The following CTAGE15 variants were observed in gnomAD, a reference collection of about 807,000 sequenced individuals.
CTAGE15 encodes the protein CTAGE family member 15.
Under a neutral mutation model 29.7 loss-of-function variants are expected in CTAGE15, and 1 was observed. The ratio of observed to expected loss-of-function variants is 0.03; its 90% CI spans 0.01 to 0.16. The LOEUF is 0.16. Ranked by LOEUF, CTAGE15 falls within the 10% of genes least tolerant of loss-of-function variation. The pLI is 1.00. For synonymous variants in CTAGE15, 8 were observed against 139.7 expected (o/e 0.06, Z 6.65); for missense variants, 31 against 391.1 (o/e 0.08, Z 7.77).
Position 143,573,133 on chromosome 7 carries a change from A to G in CTAGE15, c.1316A>G (p.Asp439Gly), listed in dbSNP as rs1808429148. Residue 439 changes from aspartate to glycine, a missense_variant, in exon 1 of 1, where the codon GAT becomes GGT. By Grantham distance (94) the Asp-to-Gly change is moderately conservative. Coordinates refer to ENST00000420911, the MANE Select transcript of CTAGE15 (RefSeq NM_001008747.2). ...QLETYRKLAK[D>G]LEEELERTVH... ...GAGACCTATAGAAAGCTAGCCAAAG[A>G]TCTTGAAGAAGAATTGGAGAGAACT... The G allele has an allele frequency of 3.6e-6, 5 of 1,386,460 alleles. No individual in the cohort carries two copies. In the South Asian group the frequency reaches 5.1e-5, roughly 14 times the overall value. 85.9% of individuals were successfully genotyped at this position (1,386,460 alleles called of 1,614,324 possible).
Position 143,573,316 on chromosome 7 carries a change from T to A in CTAGE15, c.1499T>A (p.Leu500Ter). ...GAAACAGAGTTGAAATTTGAACTTT[T>A]AGAAAAAGATCCTAATGCACTTGAT... ...LTETELKFEL[L>*]EKDPNALDVS... The change falls in exon 1 of 1, where the codon TTA becomes TAA. Residue 500 changes from leucine to a stop codon, truncating the protein, a stop_gained. Transcript: ENST00000420911. LOFTEE classifies it high-confidence loss of function. The A allele has an allele frequency of 1.2e-6, 1 of 864,212 alleles. No individual in the cohort carries two copies. The highest frequency in any genetic ancestry group is 1.9e-5 in the South Asian group (1 of 54,000). The allele number at this position is 864,212 out of a possible 1,614,324, so 53.5% of individuals were successfully genotyped here.
In CTAGE15 at chr7:143,572,564, AG is replaced by A. The variant is rs1808417144; in HGVS notation, c.748del (p.Asp250ThrfsTer10). The A allele has an allele frequency of 1.6e-6, 2 of 1,274,830 alleles. No individual in the cohort carries two copies. The highest frequency in any genetic ancestry group is 4.8e-5 in the East Asian group (2 of 41,624). 79.0% of individuals were successfully genotyped at this position (1,274,830 alleles called of 1,614,324 possible). On this transcript the variant is annotated frameshift_variant, in exon 1 of 1. Coordinates refer to ENST00000420911, the MANE Select transcript of CTAGE15 (RefSeq NM_001008747.2). LOFTEE classifies it high-confidence loss of function. ...ELNKQKITFE[D>X]SKVHAEQVLN... is the part of the protein sequence containing the mutation. The stretch of plus-strand genomic sequence containing the variant: ...TTAATAAACAGAAAATAACATTTGA[AG>A]ACTCCAAAGTACACGCAGAACAAGT...
chr7:143,571,952 A>C lies in CTAGE15; in HGVS notation c.135A>C (p.Val45=), dbSNP rs1450563174. ...NPYGFPSELV[V]CAAVIGFFVV... is the part of the protein sequence containing the mutation. ...ATGGTTTTCCATCGGAACTGGTGGT[A>C]TGTGCAGCTGTTATTGGATTTTTTG... The change falls in exon 1 of 1, where the codon GTA becomes GTC. Residue 45 remains valine (V), a synonymous_variant. Coordinates refer to ENST00000420911, the MANE Select transcript of CTAGE15 (RefSeq NM_001008747.2). The C allele has an allele frequency of 9.9e-7, 1 of 1,013,046 alleles. No homozygotes were observed. The highest frequency in any genetic ancestry group is 2.5e-5 in the African/African-American group (1 of 40,392). 62.8% of individuals were successfully genotyped at this position (1,013,046 alleles called of 1,614,324 possible).
At position 143,573,067 on chromosome 7, in the gene CTAGE15, C is replaced by T; in HGVS notation, c.1250C>T (p.Ser417Phe). Residue 417 changes from serine (S) to phenylalanine (F), a missense_variant, in exon 1 of 1, where the codon TCT (serine) becomes TTT (phenylalanine). Coordinates refer to ENST00000420911, the MANE Select transcript of CTAGE15 (RefSeq NM_001008747.2). ...CGAATAGAGGAAGAAGAGAAGCTTT[C>T]TAGAGTGGAAGAAAAGCTCAGCCGT... is the stretch of plus-strand genomic sequence containing the variant. ...NYRIEEEEKL[S>F]RVEEKLSRAT... The T allele has an allele frequency of 7.1e-7, 1 of 1,406,402 alleles. No individual in the cohort carries two copies. Among genetic ancestry groups the T allele is most frequent in the Admixed American group, 2.0e-5 (1 of 49,014 alleles). 87.1% of individuals were successfully genotyped at this position (1,406,402 alleles called of 1,614,324 possible).
chr7:143,572,998 A>G lies in CTAGE15; in HGVS notation c.1181A>G (p.Asn394Ser). 7.5e-7 allele frequency: 1 copy of G among 1,333,810 alleles called. No individual in the cohort carries two copies. The highest frequency in any genetic ancestry group is 1.0e-6 in the Non-Finnish European group (1 of 989,664). The allele number at this position is 1,333,810 out of a possible 1,614,324, so 82.6% of individuals were successfully genotyped here. A position where few individuals can be genotyped will look rare whatever the true frequency, so the allele number is the denominator to read the frequency against. Residue 394 changes from asparagine (N) to serine (S), a missense_variant, in exon 1 of 1, where the codon AAT (asparagine) becomes AGT (serine). Coordinates refer to ENST00000420911, the MANE Select transcript of CTAGE15 (RefSeq NM_001008747.2). ...LKIMTEFYQE[N>S]EMKLYRKLTV... is the part of the protein sequence containing the mutation. ...ATAATGACTGAATTCTATCAAGAAA[A>G]TGAAATGAAACTCTACAGGAAATTA...
At position 143,573,464 on chromosome 7, in the gene CTAGE15, C is replaced by G; in HGVS notation, c.1647C>G (p.Leu549=). The G allele has an allele frequency of 1.6e-5, 3 of 182,060 alleles. 1 individual carries two copies. Among genetic ancestry groups the G allele is most frequent in the Middle Eastern group, 1.2e-3 (1 of 846 alleles). The allele number at this position is 182,060 out of a possible 1,614,324, so 11.3% of individuals were successfully genotyped here. A position where few individuals can be genotyped will look rare whatever the true frequency, so the allele number is the denominator to read the frequency against. Residue 549 remains leucine, a synonymous_variant, in exon 1 of 1, where the codon CTC becomes CTG. Coordinates refer to ENST00000420911, the MANE Select transcript of CTAGE15 (RefSeq NM_001008747.2). The stretch of plus-strand genomic sequence containing the variant: ...CTTTGTTGGAGGATCCACTGGGACT[C>G]TCACCTGTGCTTCCGGAGGGAGGAG... ...PQTLLEDPLG[L]SPVLPEGGGR...
chr7:143,573,020 A>G lies in CTAGE15; in HGVS notation c.1203A>G (p.Lys401=). Residue 401 remains lysine, a synonymous_variant, in exon 1 of 1, where the codon AAA becomes AAG. Coordinates refer to ENST00000420911, the MANE Select transcript of CTAGE15 (RefSeq NM_001008747.2). ...AAAATGAAATGAAACTCTACAGGAA[A>G]TTAACAGTGGAGGAAAATTACCGAA... ...YQENEMKLYR[K]LTVEENYRIE... is the part of the protein sequence containing the mutation. 7.2e-7 allele frequency: 1 copy of G among 1,389,362 alleles called. No homozygotes were observed. Among genetic ancestry groups the G allele is most frequent in the African/African-American group, 1.7e-5 (1 of 60,092 alleles). The allele number at this position is 1,389,362 out of a possible 1,614,324, so 86.1% of individuals were successfully genotyped here.
Position 143,573,045 on chromosome 7 carries a change from A to G in CTAGE15, c.1228A>G (p.Ile410Val). Residue 410 changes from isoleucine to valine, a missense_variant, in exon 1 of 1, where the codon ATA (isoleucine) becomes GTA (valine). Transcript: ENST00000420911. The stretch of plus-strand genomic sequence containing the variant: ...ATTAACAGTGGAGGAAAATTACCGA[A>G]TAGAGGAAGAAGAGAAGCTTTCTAG... ...RKLTVEENYRIEEEEKLSRVE... is the reference protein window; with the variant it reads ...RKLTVEENYRVEEEEKLSRVE... The G allele has an allele frequency of 1.4e-6, 2 of 1,404,448 alleles. No individual in the cohort carries two copies. Among genetic ancestry groups the G allele is most frequent in the Non-Finnish European group, 1.9e-6 (2 of 1,035,866 alleles). 87.0% of individuals were successfully genotyped at this position (1,404,448 alleles called of 1,614,324 possible).
chr7:143,573,007 A>T lies in CTAGE15; in HGVS notation c.1190A>T (p.Lys397Ile). ...GAATTCTATCAAGAAAATGAAATGA[A>T]ACTCTACAGGAAATTAACAGTGGAG... ...MTEFYQENEM[K>I]LYRKLTVEEN... is the part of the protein sequence containing the mutation. Residue 397 changes from lysine (K) to isoleucine (I), a missense_variant, in exon 1 of 1, where the codon AAA becomes ATA. Lys to Ile is a moderately radical substitution (Grantham distance 102). Coordinates refer to ENST00000420911, the MANE Select transcript of CTAGE15 (RefSeq NM_001008747.2). 7.4e-7 allele frequency: 1 copy of T among 1,344,530 alleles called. No individual in the cohort carries two copies. The highest frequency in any genetic ancestry group is 2.6e-5 in the East Asian group (1 of 39,008). The allele number at this position is 1,344,530 out of a possible 1,614,324, so 83.3% of individuals were successfully genotyped here. A position where few individuals can be genotyped will look rare whatever the true frequency, so the allele number is the denominator to read the frequency against.
Position 143,572,721 on chromosome 7 carries a change from GA to G in CTAGE15, c.908del (p.Asn303MetfsTer5). 1 of 1,100,476 alleles carries G rather than the reference GA, an allele frequency of 9.1e-7. No homozygotes were observed. The highest frequency in any genetic ancestry group is 1.3e-6 in the Non-Finnish European group (1 of 779,106). 68.2% of individuals were successfully genotyped at this position (1,100,476 alleles called of 1,614,324 possible). A position where few individuals can be genotyped will look rare whatever the true frequency, so the allele number is the denominator to read the frequency against. ...NLELEVNSQW[E>X]NGANLDDPLK... ...GGAATTAGAAGTGAACAGTCAATGG[GA>G]AAATGGTGCTAACTTAGATGATCCT... On this transcript the variant is annotated frameshift_variant, in exon 1 of 1. Coordinates refer to ENST00000420911, the MANE Select transcript of CTAGE15 (RefSeq NM_001008747.2). LOFTEE classifies it high-confidence loss of function.
chr7:143,573,091 G>C lies in CTAGE15; in HGVS notation c.1274G>C (p.Arg425Pro). Residue 425 changes from arginine (R) to proline (P), a missense_variant, in exon 1 of 1, where the codon CGT becomes CCT. Arg to Pro is a moderately radical substitution (Grantham distance 103). Coordinates refer to ENST00000420911, the MANE Select transcript of CTAGE15 (RefSeq NM_001008747.2). ...KLSRVEEKLS[R>P]ATEQLETYRK... is the part of the protein sequence containing the mutation. The stretch of plus-strand genomic sequence containing the variant: ...TCTAGAGTGGAAGAAAAGCTCAGCC[G>C]TGCCACTGAACAGCTGGAGACCTAT... 8 of 1,409,052 alleles carry C rather than the reference G, an allele frequency of 5.7e-6. 3 individuals are homozygous for C. The highest frequency in any genetic ancestry group is 3.9e-6 in the Non-Finnish European group (4 of 1,037,504). The allele number at this position is 1,409,052 out of a possible 1,614,324, so 87.3% of individuals were successfully genotyped here.
chr7:143,573,091 G>T lies in CTAGE15; in HGVS notation c.1274G>T (p.Arg425Leu), dbSNP rs769888736. 1.7e-4 allele frequency: 236 copies of T among 1,408,934 alleles called. 57 individuals are homozygous for T. Among genetic ancestry groups the T allele is most frequent in the Admixed American group, 3.7e-4 (18 of 49,210 alleles). 87.3% of individuals were successfully genotyped at this position (1,408,934 alleles called of 1,614,324 possible). A position where few individuals can be genotyped will look rare whatever the true frequency, so the allele number is the denominator to read the frequency against. ...TCTAGAGTGGAAGAAAAGCTCAGCCGTGCCACTGAACAGCTGGAGACCTAT... is the reference window on the plus strand; with the variant it reads ...TCTAGAGTGGAAGAAAAGCTCAGCCTTGCCACTGAACAGCTGGAGACCTAT... ...KLSRVEEKLS[R>L]ATEQLETYRK... Residue 425 changes from arginine (R) to leucine (L), a missense_variant, in exon 1 of 1, where the codon CGT (arginine) becomes CTT (leucine). Physicochemically the swap from Arg to Leu is moderately radical, Grantham distance 102. Transcript: ENST00000420911.
chr7:143,573,397 G>A lies in CTAGE15; in HGVS notation c.1580G>A (p.Gly527Asp). The change falls in exon 1 of 1, where the codon GGT becomes GAT. Residue 527 changes from glycine (G) to aspartate (D), a missense_variant. Transcript: ENST00000420911. ...GCCCCGAATGGTCCCGCACCATTGG[G>A]TCAGCGTTCATCTGAAACGAGAGCT... ...EHAPNGPAPL[G>D]QRSSETRAFL... 1 of 318,556 alleles carries A rather than the reference G, an allele frequency of 3.1e-6. No individual in the cohort carries two copies. Among genetic ancestry groups the A allele is most frequent in the Non-Finnish European group, 4.5e-6 (1 of 220,246 alleles). 19.7% of individuals were successfully genotyped at this position (318,556 alleles called of 1,614,324 possible). A position where few individuals can be genotyped will look rare whatever the true frequency, so the allele number is the denominator to read the frequency against.
Position 143,573,034 on chromosome 7 carries a change from A to G in CTAGE15, c.1217A>G (p.Glu406Gly), listed in dbSNP as rs1186000838. The G allele has an allele frequency of 1.1e-5, 15 of 1,400,782 alleles. No homozygotes were observed. Among genetic ancestry groups the G allele is most frequent in the Non-Finnish European group, 1.4e-5 (15 of 1,034,538 alleles). 86.8% of individuals were successfully genotyped at this position (1,400,782 alleles called of 1,614,324 possible). A position where few individuals can be genotyped will look rare whatever the true frequency, so the allele number is the denominator to read the frequency against. ...CTCTACAGGAAATTAACAGTGGAGG[A>G]AAATTACCGAATAGAGGAAGAAGAG... is the stretch of plus-strand genomic sequence containing the variant. ...MKLYRKLTVE[E>G]NYRIEEEEKL... is the part of the protein sequence containing the mutation. Residue 406 changes from glutamate (E) to glycine (G), a missense_variant, in exon 1 of 1, where the codon GAA (glutamate) becomes GGA (glycine). Coordinates refer to ENST00000420911, the MANE Select transcript of CTAGE15 (RefSeq NM_001008747.2).
Position 143,572,914 on chromosome 7 carries a change from T to C in CTAGE15, c.1097T>C (p.Leu366Ser). The C allele has an allele frequency of 7.7e-7, 1 of 1,292,592 alleles. No individual in the cohort carries two copies. The highest frequency in any genetic ancestry group is 2.7e-5 in the East Asian group (1 of 37,328). The allele number at this position is 1,292,592 out of a possible 1,614,324, so 80.1% of individuals were successfully genotyped here. A position where few individuals can be genotyped will look rare whatever the true frequency, so the allele number is the denominator to read the frequency against. Residue 366 changes from leucine to serine, a missense_variant, in exon 1 of 1, where the codon TTG (leucine) becomes TCG (serine). Coordinates refer to ENST00000420911, the MANE Select transcript of CTAGE15 (RefSeq NM_001008747.2). ...AATCTTCAGACTCAACAAGCATCTTTGCAATCAGAAAACATATATTTTGAA... is the reference window on the plus strand; with the variant it reads ...AATCTTCAGACTCAACAAGCATCTTCGCAATCAGAAAACATATATTTTGAA... Reference protein sequence around the residue: ...IKNLQTQQASLQSENIYFESE... With the variant: ...IKNLQTQQASSQSENIYFESE...
rs1201058529 is a variant in CTAGE15, at chr7:143,571,805, C to A, written c.-13C>A. 9.6e-7 allele frequency: 1 copy of A among 1,037,956 alleles called. No individual in the cohort carries two copies. Among genetic ancestry groups the A allele is most frequent in the Non-Finnish European group, 1.3e-6 (1 of 764,048 alleles). 64.3% of individuals were successfully genotyped at this position (1,037,956 alleles called of 1,614,324 possible). On this transcript the variant is annotated 5_prime_UTR_variant, in exon 1 of 1. Transcript: ENST00000420911. ...AGTGTTACTGCGGTGACCGCCAGAG[C>A]AGCCTCGACGCTATGGAGGAGCCCG...
In CTAGE15 at chr7:143,572,993, A is replaced by T. The variant is rs2116428597; in HGVS notation, c.1176A>T (p.Gln392His). The T allele has an allele frequency of 7.5e-7, 1 of 1,327,980 alleles. No individual in the cohort carries two copies. Among genetic ancestry groups the T allele is most frequent in the African/African-American group, 1.8e-5 (1 of 56,336 alleles). 82.3% of individuals were successfully genotyped at this position (1,327,980 alleles called of 1,614,324 possible). The change falls in exon 1 of 1, where the codon CAA becomes CAT. Residue 392 changes from glutamine (Q) to histidine (H), a missense_variant. By Grantham distance (24) the Gln-to-His change is conservative. Transcript: ENST00000420911. ...TTAAAATAATGACTGAATTCTATCA[A>T]GAAAATGAAATGAAACTCTACAGGA... The part of the protein sequence containing the change: ...QKLKIMTEFY[Q>H]ENEMKLYRKL...
At position 143,573,073 on chromosome 7, in the gene CTAGE15, T is replaced by A. The variant is rs748936456; in HGVS notation, c.1256T>A (p.Val419Glu). 101 of 1,405,890 alleles carry A rather than the reference T, an allele frequency of 7.2e-5. 15 individuals carry two copies. The highest frequency in any genetic ancestry group is 9.3e-5 in the Non-Finnish European group (96 of 1,036,170). The allele number at this position is 1,405,890 out of a possible 1,614,324, so 87.1% of individuals were successfully genotyped here. Residue 419 changes from valine to glutamate, a missense_variant, in exon 1 of 1, where the codon GTG (valine) becomes GAG (glutamate). By Grantham distance (121) the Val-to-Glu change is moderately radical. Coordinates refer to ENST00000420911, the MANE Select transcript of CTAGE15 (RefSeq NM_001008747.2). ...RIEEEEKLSR[V>E]EEKLSRATEQ... ...GAGGAAGAAGAGAAGCTTTCTAGAG[T>A]GGAAGAAAAGCTCAGCCGTGCCACT...
In CTAGE15 at chr7:143,573,094, C is replaced by G; in HGVS notation, c.1277C>G (p.Ala426Gly). ...LSRVEEKLSR[A>G]TEQLETYRKL... is the part of the protein sequence containing the mutation. Reference sequence around the variant, plus strand: ...AGAGTGGAAGAAAAGCTCAGCCGTGCCACTGAACAGCTGGAGACCTATAGA... The same window carrying G: ...AGAGTGGAAGAAAAGCTCAGCCGTGGCACTGAACAGCTGGAGACCTATAGA... Residue 426 changes from alanine to glycine, a missense_variant, in exon 1 of 1, where the codon GCC (alanine) becomes GGC (glycine). Transcript: ENST00000420911. The G allele has an allele frequency of 2.1e-6, 3 of 1,409,014 alleles. No individual in the cohort carries two copies. The highest frequency in any genetic ancestry group is 2.9e-6 in the Non-Finnish European group (3 of 1,037,666). 87.3% of individuals were successfully genotyped at this position (1,409,014 alleles called of 1,614,324 possible).
Sources: allele counts gnomAD v4.1 joint callset, GRCh38; gene constraint gnomAD v4.1.1; transcripts MANE v1.5; gene names NCBI Gene and HGNC (gene_info 2026-07-23, HGNC 2026-07-21).